Variants in DSCAML1 observed in about 807,000 individuals in gnomAD.
DSCAML1 encodes cell adhesion molecule DSCAML1.
DSCAML1 carries 38 observed loss-of-function variants against 200.5 expected under a neutral mutation model. That is an observed-to-expected ratio of 0.19 (90% CI 0.15 to 0.25). The LOEUF is 0.25. Among genes scored for constraint, DSCAML1 ranks in the 10% least tolerant of loss-of-function variants. The pLI is 1.00. For synonymous variants in DSCAML1, 1,215 were observed against 1,165.0 expected (o/e 1.04, Z -0.87); for missense variants, 2,223 against 2,858.8 (o/e 0.78, Z 5.07).
chr11:117,707,943 C>T (rs546656350), intron 3 of DSCAML1, among the ~76,000 whole-genome samples: 1 of 152,308 alleles, frequency 6.6e-6, no homozygotes, highest in East Asian at 1.9e-4. Flanking sequence ...CTCTCTATCC[C>T]TCAGAGGTTG....
At chr11:117,564,630 CCTCT>C (rs1280324685) in intron 3 of DSCAML1, among the ~76,000 whole-genome samples, 6 of 151,726 alleles carry the variant, frequency 4.0e-5, no homozygotes, top group African/African-American at 7.3e-5. Flanking sequence ...TCTGCTCAAA[CCTCT>C]CTCTCTCTCT....
At chr11:117,609,486 T>C (rs1192369269) in intron 3 of DSCAML1, among the ~76,000 whole-genome samples, 1 of 151,896 alleles carries the variant, frequency 6.6e-6, no homozygotes, top group Non-Finnish European at 1.5e-5. Context: ...TAAAAAAACA[T>C]TGTAGAGACC....
At chr11:117,700,137 G>A (rs1202000257) in intron 3 of DSCAML1, among the ~76,000 whole-genome samples, 4 of 152,168 alleles carry the variant, frequency 2.6e-5, no homozygotes, top group South Asian at 4.1e-4. Context: ...CTGAATTCAC[G>A]GGGCCTTGGA....
intron 3 of DSCAML1, among the ~76,000 whole-genome samples, chr11:117,595,815 T>C (rs1170231041): frequency 6.6e-6 from 1 of 152,100 alleles, no homozygotes; most frequent in African/African-American, 2.4e-5. Flanking sequence ...CTCATTCCCT[T>C]GCAACCAACG....
chr11:117,780,883 G>A lies in DSCAML1; in HGVS notation c.47-73C>T, dbSNP rs988929656. 7.2e-6 allele frequency: 9 copies of A among 1,244,184 alleles called. No individual in the cohort carries two copies. Among genetic ancestry groups the A allele is most frequent in the South Asian group, 1.9e-5 (1 of 52,246 alleles). 77.1% of individuals were successfully genotyped at this position (1,244,184 alleles called of 1,614,324 possible). On this transcript the variant is annotated intron_variant, in intron 1 of 32. Coordinates refer to ENST00000651296, the MANE Select transcript of DSCAML1 (RefSeq NM_020693.4). This position sits in a 1 kb window ranked among gnomAD's most constrained non-coding sequence, Gnocchi z 4.8. ...ATACCCATATAAGCCACGGAGGCTT[G>A]CGACAGGCTGCACTCATTCACCTGA...
At chr11:117,524,660 G>C in intron 5 of DSCAML1, 145 bp downstream of exon 5, 1 of 1,032,894 alleles carries the variant, frequency 9.7e-7, no homozygotes, top group Admixed American at 3.2e-5. Context: ...GCTTTTCCAG[G>C]ATACCAGACT....
intron 3 of DSCAML1, among the ~76,000 whole-genome samples, chr11:117,570,068 A>G (rs78594426): frequency 0.014 from 2,184 of 152,076 alleles, 22 homozygotes; most frequent in Non-Finnish European, 0.023. Context: ...CTTTCTGGGA[A>G]GCAGGAACGT....
intron 3 of DSCAML1, among the ~76,000 whole-genome samples, chr11:117,623,199 CTT>C (rs2051972444): frequency 7.0e-6 from 1 of 143,598 alleles, no homozygotes; most frequent in African/African-American, 2.6e-5. Context: ...TCTTTTTTTT[CTT>C]TTTTCTTTTC....
chr11:117,428,777 C>G lies in DSCAML1; in HGVS notation c.5713G>C (p.Ala1905Pro). Residue 1905 changes from alanine to proline, a missense_variant, in exon 33 of 33, where the codon GCC becomes CCC. Transcript: ENST00000651296. ...TTTCGAAAGAAGGCCTCTGACTTGGCATACAGGGGCAGGTTGCAGTAGTCA... is the reference window on the plus strand; with the variant it reads ...TTTCGAAAGAAGGCCTCTGACTTGGGATACAGGGGCAGGTTGCAGTAGTCA... ...KSDYCNLPLY[A>P]KSEAFFRKAD... is the part of the protein sequence containing the mutation. 6.2e-7 allele frequency: 1 copy of G among 1,607,568 alleles called. No individual in the cohort carries two copies. The highest frequency in any genetic ancestry group is 8.5e-7 in the Non-Finnish European group (1 of 1,178,064).
chr11:117,639,994 G>A (rs190838430), intron 3 of DSCAML1, among the ~76,000 whole-genome samples: 1 of 152,320 alleles, frequency 6.6e-6, no homozygotes, highest in Admixed American at 6.5e-5. Context: ...GCAGACTTGT[G>A]TGGGTGCTGT....
intron 14 of DSCAML1, among the ~76,000 whole-genome samples, chr11:117,477,212 C>T (rs1226622860): frequency 6.6e-6 from 1 of 151,404 alleles, no homozygotes; most frequent in African/African-American, 2.4e-5. Flanking sequence ...CACACACACA[C>T]ACACACACAC....
At position 117,612,309 on chromosome 11, in the gene DSCAML1, C is replaced by T. The variant is rs138893240; in HGVS notation, c.512-79787G>A. 5.0e-3 allele frequency among the ~76,000 whole-genome samples: 756 copies of T among 152,324 alleles called. 3 individuals carry two copies. Among genetic ancestry groups the T allele is most frequent in the Middle Eastern group, 0.014 (4 of 294 alleles). On this transcript the variant is annotated intron_variant, in intron 3 of 32. Coordinates refer to ENST00000651296, the MANE Select transcript of DSCAML1 (RefSeq NM_020693.4). Reference sequence around the variant, plus strand: ...CAACCTTCAGACTGCATTATTCCCACGCCGGAACCCAGGCAACATCATCAG... The same window carrying T: ...CAACCTTCAGACTGCATTATTCCCATGCCGGAACCCAGGCAACATCATCAG...
At position 117,437,851 on chromosome 11, in the gene DSCAML1, C is replaced by G. The variant is rs1170998564; in HGVS notation, c.4432+44G>C. On this transcript the variant is annotated intron_variant, in intron 25 of 32. Coordinates refer to ENST00000651296, the MANE Select transcript of DSCAML1 (RefSeq NM_020693.4). This position sits in a 1 kb window ranked among gnomAD's most constrained non-coding sequence, Gnocchi z 5.3. The stretch of plus-strand genomic sequence containing the variant: ...ACCTGGCCCCTCTAGCCCACCCTCC[C>G]TGGGCCCATCGCTCCTTCCCTGCCC... 1.9e-6 allele frequency: 3 copies of G among 1,552,146 alleles called. No individual in the cohort carries two copies. The highest frequency in any genetic ancestry group is 2.6e-6 in the Non-Finnish European group (3 of 1,153,450).
intron 3 of DSCAML1, among the ~76,000 whole-genome samples, chr11:117,728,136 CCATT>C (rs1328471565): frequency 2.6e-5 from 4 of 152,150 alleles, no homozygotes; most frequent in Admixed American, 2.6e-4. Context: ...ATCAGAAAAT[CCATT>C]AATGTAATAC....
chr11:117,470,523 T>C (rs1486967031), intron 15 of DSCAML1, among the ~76,000 whole-genome samples: 2 of 152,176 alleles, frequency 1.3e-5, no homozygotes, highest in African/African-American at 4.8e-5. Context: ...TGAACTCTTA[T>C]CCTCTGATCA....
At chr11:117,618,780 G>A (rs2051864407) in intron 3 of DSCAML1, among the ~76,000 whole-genome samples, 1 of 152,296 alleles carries the variant, frequency 6.6e-6, no homozygotes, top group Non-Finnish European at 1.5e-5. Flanking sequence ...GGAGAGCACA[G>A]GGTTGAGGAA....
chr11:117,694,892 A>G (rs1364582697), intron 3 of DSCAML1, among the ~76,000 whole-genome samples: 2 of 152,228 alleles, frequency 1.3e-5, no homozygotes, highest in African/African-American at 4.8e-5. Context: ...CAAGTGAAGT[A>G]TGTAATCAAA....
intron 3 of DSCAML1, among the ~76,000 whole-genome samples, chr11:117,549,007 G>T (rs1357876978): frequency 6.6e-6 from 1 of 152,178 alleles, no homozygotes; most frequent in Non-Finnish European, 1.5e-5. Flanking sequence ...GGCTAAAAGG[G>T]ACATGGCACT....
At chr11:117,769,184 AC>A (rs1296502974) in intron 3 of DSCAML1, among the ~76,000 whole-genome samples, 1 of 24,974 alleles carries the variant, frequency 4.0e-5, no homozygotes, top group African/African-American at 9.4e-5. Flanking sequence ...TATATATTAT[AC>A]ATATATATTT....
Sources: allele counts gnomAD v4.1 joint callset (sites outside exome capture counted in the v4.1 genomes callset), GRCh38; gene constraint gnomAD v4.1.1; non-coding constraint Gnocchi (gnomAD v3.1); transcripts MANE v1.5; gene names NCBI Gene and HGNC (gene_info 2026-07-23, HGNC 2026-07-21).